The following WDFY2 variants were observed in gnomAD, a reference collection of about 807,000 sequenced individuals.
WDFY2 encodes the protein WD repeat and FYVE domain-containing protein 2.
Under a neutral mutation model 56.4 loss-of-function variants are expected in WDFY2, and 36 were observed. The observed-to-expected ratio is 0.64, with a 90% CI of 0.49 to 0.84. WDFY2 has a LOEUF of 0.84. Ranked by LOEUF, WDFY2 falls within the 40% of genes least tolerant of loss-of-function variation. WDFY2 has a pLI of 0.00. For missense variants in WDFY2, 444 were observed against 512.2 expected, an observed-to-expected ratio of 0.87 and a Z score of 1.29; for synonymous variants, 176 against 183.7, an observed-to-expected ratio of 0.96 and a Z score of 0.34.
intron 3 of WDFY2, among the ~76,000 whole-genome samples, chr13:51,700,890 C>G (rs1338751659): frequency 6.6e-6 from 1 of 152,142 alleles, no homozygotes; most frequent in African/African-American, 2.4e-5. Flanking sequence ...TCGCTTGAAC[C>G]CAGGAGGCGG....
At chr13:51,746,614 A>C (rs1953111266) in intron 7 of WDFY2, among the ~76,000 whole-genome samples, 2 of 152,260 alleles carry the variant, frequency 1.3e-5, no homozygotes, top group African/African-American at 4.8e-5. Context: ...CTATGTTTCC[A>C]TGAAAATTAA....
intron 1 of WDFY2, chr13:51,589,851 C>A (rs1005676144): frequency 2.0e-5 from 3 of 152,048 alleles, no homozygotes; most frequent in Admixed American, 2.0e-4. Flanking sequence ...TTTCAAGGTC[C>A]CAAAGAGGGA....
chr13:51,617,110 A>T (rs1349253316), intron 1 of WDFY2, among the ~76,000 whole-genome samples: 1 of 152,170 alleles, frequency 6.6e-6, no homozygotes, highest in Non-Finnish European at 1.5e-5. Context: ...TTATAAAGGA[A>T]ATTTCTGTGG....
In WDFY2 at chr13:51,755,473, A is replaced by T. The variant is rs143718489; in HGVS notation, c.933+14A>T. 6.8e-6 allele frequency: 11 copies of T among 1,607,426 alleles called. No individual in the cohort carries two copies. The highest frequency in any genetic ancestry group is 9.4e-6 in the Non-Finnish European group (11 of 1,173,850). On this transcript the variant is annotated intron_variant, in intron 9 of 11. Transcript: ENST00000298125. ...GGTCTAAGACAGGTGAGTGATATGG[A>T]TGCTTCATCAAAATGTAATTATATG... is the stretch of plus-strand genomic sequence containing the variant.
At chr13:51,585,742 G>T (rs1014524420) in intron 1 of WDFY2, among the ~76,000 whole-genome samples, 3 of 152,160 alleles carry the variant, frequency 2.0e-5, no homozygotes, top group African/African-American at 7.2e-5. Flanking sequence ...TACATAACAC[G>T]GGGATTTTAC....
At chr13:51,630,417 T>C (rs1289722266) in intron 1 of WDFY2, among the ~76,000 whole-genome samples, 4 of 152,092 alleles carry the variant, frequency 2.6e-5, no homozygotes, top group Non-Finnish European at 5.9e-5. Context: ...AAAATTATTA[T>C]TTTAGTGAAT....
chr13:51,623,949 G>A (rs1352740172), intron 1 of WDFY2, among the ~76,000 whole-genome samples: 1 of 151,986 alleles, frequency 6.6e-6, no homozygotes, highest in Non-Finnish European at 1.5e-5. Flanking sequence ...AAACAAAGAG[G>A]CAGAATAAAG....
intron 1 of WDFY2, among the ~76,000 whole-genome samples, chr13:51,600,211 C>G (rs937448369): frequency 6.6e-6 from 1 of 152,188 alleles, no homozygotes; most frequent in Non-Finnish European, 1.5e-5. Context: ...TTAGGTCACA[C>G]TGAGGGAGAG....
At chr13:51,716,467 C>T (rs1296602308) in intron 4 of WDFY2, among the ~76,000 whole-genome samples, 3 of 151,696 alleles carry the variant, frequency 2.0e-5, no homozygotes, top group South Asian at 2.1e-4. Flanking sequence ...CCGAGGCGGG[C>T]GGATCACGAG....
At chr13:51,588,024 C>T (rs1953977120) in intron 1 of WDFY2, 1 of 152,210 alleles carries the variant, frequency 6.6e-6, no homozygotes, top group Non-Finnish European at 1.5e-5. Context: ...ATCTGATTTA[C>T]AAATAAAGAT....
intron 3 of WDFY2, among the ~76,000 whole-genome samples, chr13:51,687,099 AG>A (rs1472431568): frequency 6.7e-6 from 1 of 149,956 alleles, no homozygotes; most frequent in Non-Finnish European, 1.5e-5. Context: ...ATATTTTTAT[AG>A]TATATTATGT....
intron 6 of WDFY2, among the ~76,000 whole-genome samples, chr13:51,728,858 G>C (rs751529085): frequency 5.9e-5 from 9 of 152,010 alleles, no homozygotes; most frequent in Non-Finnish European, 8.8e-5. Context: ...GCCAAGACTG[G>C]GCCTGGGGTT....
At chr13:51,714,037 G>A (rs1952288116) in intron 4 of WDFY2, among the ~76,000 whole-genome samples, 2 of 151,834 alleles carry the variant, frequency 1.3e-5, no homozygotes, top group Admixed American at 6.6e-5. Flanking sequence ...AGTGAAAGGT[G>A]GTGATGGTTA....
At chr13:51,687,439 T>A (rs1956079348) in intron 3 of WDFY2, among the ~76,000 whole-genome samples, 1 of 151,996 alleles carries the variant, frequency 6.6e-6, no homozygotes, top group African/African-American at 2.4e-5. Context: ...AGGGAATGGA[T>A]GCCAGTAGGT....
intron 2 of WDFY2, among the ~76,000 whole-genome samples, chr13:51,663,992 C>T (rs967532560): frequency 2.0e-5 from 3 of 152,162 alleles, no homozygotes; most frequent in African/African-American, 7.2e-5. Flanking sequence ...TAGTGTTTGT[C>T]ATATTCCAGG....
At chr13:51,676,234 C>G (rs1362508915) in intron 3 of WDFY2, among the ~76,000 whole-genome samples, 1 of 152,174 alleles carries the variant, frequency 6.6e-6, no homozygotes, top group Non-Finnish European at 1.5e-5. Flanking sequence ...TGAGTATGCT[C>G]TTAGGCCTGA....
At chr13:51,671,537 A>C (rs1593968115) in intron 2 of WDFY2, among the ~76,000 whole-genome samples, 1 of 152,018 alleles carries the variant, frequency 6.6e-6, no homozygotes, top group Admixed American at 6.5e-5. Flanking sequence ...TCATGTCCTT[A>C]GCCCACTTTT....
At chr13:51,703,451 G>A (rs970525824) in intron 3 of WDFY2, 145 bp from the exon 4 acceptor site, 18 of 593,936 alleles carry the variant, frequency 3.0e-5, no homozygotes, top group African/African-American at 2.9e-4. Flanking sequence ...TTTTAAAAGG[G>A]TACAAAAATT....
At position 51,756,423 on chromosome 13, in the gene WDFY2, G is replaced by C; in HGVS notation, c.1025G>C (p.Arg342Thr). ...CTGATGGGCTTCGAGTTTGAAGTGA[G>C]GGTCTGTGACAGCTGCCACGAGGCC... is the stretch of plus-strand genomic sequence containing the variant. The part of the protein sequence containing the change: ...IPLMGFEFEV[R>T]VCDSCHEAIT... The change falls in exon 10 of 12, where the codon AGG (arginine) becomes ACG (threonine). Residue 342 changes from arginine to threonine, a missense_variant. Transcript: ENST00000298125. 1 of 1,614,124 alleles carries C rather than the reference G, an allele frequency of 6.2e-7. No homozygotes were observed. The highest frequency in any genetic ancestry group is 8.5e-7 in the Non-Finnish European group (1 of 1,180,000).
Sources: gnomAD v4.1 joint callset for allele counts (sites outside exome capture counted in the v4.1 genomes callset) on GRCh38, gnomAD v4.1.1 for gene constraint, MANE v1.5 for transcripts, NCBI Gene and HGNC (gene_info 2026-07-23, HGNC 2026-07-21) for gene names.